Variants in SORCS2 observed in about 807,000 individuals in gnomAD.
The protein encoded by SORCS2 is sortilin related VPS10 domain containing receptor 2, also known as VPS10 domain-containing receptor SorCS2.
SORCS2 carries 100 observed loss-of-function variants against 141.6 expected under a neutral mutation model. The ratio of observed to expected loss-of-function variants is 0.71; its 90% confidence interval spans 0.60 to 0.83. SORCS2 has a LOEUF of 0.83. Ranked by LOEUF, SORCS2 falls within the 40% of genes least tolerant of loss-of-function variation. The pLI is 0.00. For missense variants in SORCS2, 1,646 were observed against 1,560.2 expected (o/e 1.05, Z -0.93); for synonymous variants, 789 against 676.9 (o/e 1.17, Z -2.57).
In SORCS2 at chr4:7,486,966, G is replaced by T. The variant is rs373615792; in HGVS notation, c.549-44564G>T. ...TGATTGGGATGTGGACAGGTCTTTT[G>T]GGTGGGTCACTATTCAACCCTCTAC... On this transcript the variant is annotated intron_variant, in intron 2 of 26. Coordinates refer to ENST00000507866, the MANE Select transcript of SORCS2 (RefSeq NM_020777.3). Among the ~76,000 whole-genome samples the T allele has an allele frequency of 3.9e-5, 6 of 152,362 alleles. 1 individual carries two copies. The highest frequency in any genetic ancestry group is 1.4e-4 in the African/African-American group (6 of 41,588).
At chr4:7,671,941 CTTTT>C (rs34912914) in intron 8 of SORCS2, among the ~76,000 whole-genome samples, 7 of 128,584 alleles carry the variant, frequency 5.4e-5, no homozygotes, top group African/African-American at 1.2e-4. Flanking sequence ...AAGACAGAAA[CTTTT>C]TTTTTTTTTT....
intron 1 of SORCS2, among the ~76,000 whole-genome samples, chr4:7,272,209 A>C (rs1715192236): frequency 6.6e-6 from 1 of 152,232 alleles, no homozygotes; most frequent in African/African-American, 2.4e-5. Context: ...GGCTGCGGCA[A>C]GTTTCTCCAG....
intron 2 of SORCS2, among the ~76,000 whole-genome samples, chr4:7,451,870 TG>T (rs1341987637): frequency 1.3e-5 from 2 of 152,326 alleles, no homozygotes; most frequent in East Asian, 1.9e-4. Flanking sequence ...AGGCTGGGTC[TG>T]AACATTCCCT....
intron 1 of SORCS2, among the ~76,000 whole-genome samples, chr4:7,300,511 C>A (rs185441605): frequency 6.6e-6 from 1 of 152,194 alleles, no homozygotes; most frequent in Non-Finnish European, 1.5e-5. Context: ...AGTGATGAAG[C>A]GGTGGCATGA....
chr4:7,647,002 G>A (rs781001311), intron 4 of SORCS2, among the ~76,000 whole-genome samples: 6 of 152,148 alleles, frequency 3.9e-5, no homozygotes, highest in Non-Finnish European at 5.9e-5. Flanking sequence ...TCAGGGCCTC[G>A]TCTGTCAGGC....
intron 1 of SORCS2, among the ~76,000 whole-genome samples, chr4:7,346,953 G>T (rs1488910705): frequency 6.6e-6 from 1 of 152,158 alleles, no homozygotes; most frequent in Non-Finnish European, 1.5e-5. Flanking sequence ...TTTATGGTCA[G>T]CACTTAACAC....
chr4:7,706,114 G>A (rs1283531893), intron 14 of SORCS2, among the ~76,000 whole-genome samples: 1 of 131,222 alleles, frequency 7.6e-6, no homozygotes. Context: ...CTCTGTCTGG[G>A]CAGGGATGAG....
At chr4:7,600,652 TATATACACACACACACAC>T (rs1294429868) in intron 3 of SORCS2, among the ~76,000 whole-genome samples, 2 of 96,232 alleles carry the variant, frequency 2.1e-5, no homozygotes, top group African/African-American at 3.8e-5. Context: ...TATACATATA[TATATACACACACACACAC>T]ACACACACAC....
At chr4:7,544,575 C>T (rs995805773) in intron 3 of SORCS2, among the ~76,000 whole-genome samples, 18 of 152,236 alleles carry the variant, frequency 1.2e-4, no homozygotes, top group Admixed American at 9.8e-4. Context: ...GGTGAGCTCT[C>T]AGGGGATGCT....
chr4:7,532,282 G>C (rs1711726237), intron 3 of SORCS2, among the ~76,000 whole-genome samples: 1 of 152,200 alleles, frequency 6.6e-6, no homozygotes, highest in South Asian at 2.1e-4. Context: ...ATTCAGCAAA[G>C]CAGTTCACGG....
intron 1 of SORCS2, among the ~76,000 whole-genome samples, chr4:7,378,521 C>G (rs1722794236): frequency 6.6e-6 from 1 of 152,188 alleles, no homozygotes; most frequent in African/African-American, 2.4e-5. Flanking sequence ...ATAAAACCCT[C>G]AGATCTCATG....
chr4:7,285,252 C>T (rs542526222), intron 1 of SORCS2, among the ~76,000 whole-genome samples: 8 of 152,196 alleles, frequency 5.3e-5, no homozygotes, highest in African/African-American at 1.4e-4. Flanking sequence ...AGGCTGGTCT[C>T]GAACTCCTGA....
chr4:7,578,074 A>C (rs753022915), intron 3 of SORCS2, among the ~76,000 whole-genome samples: 1 of 152,212 alleles, frequency 6.6e-6, no homozygotes, highest in Non-Finnish European at 1.5e-5. Context: ...TGTTAGGCTC[A>C]TGAGGATGGA....
chr4:7,539,104 C>T (rs73214633), intron 3 of SORCS2, among the ~76,000 whole-genome samples: 3,249 of 152,192 alleles, frequency 0.021, 62 homozygotes, highest in African/African-American at 0.045. Context: ...TGAACCAGGA[C>T]GCGCCCCAGG....
At chr4:7,369,195 C>T in intron 1 of SORCS2, among the ~76,000 whole-genome samples, 1 of 152,096 alleles carries the variant, frequency 6.6e-6, no homozygotes, top group East Asian at 1.9e-4. Context: ...CCTGTAATCC[C>T]AGCTAGTCGG....
intron 3 of SORCS2, among the ~76,000 whole-genome samples, chr4:7,614,882 A>G (rs1222613575): frequency 2.0e-5 from 3 of 150,436 alleles, no homozygotes; most frequent in African/African-American, 7.3e-5. Context: ...TCATCCACCC[A>G]TCTGCCATCC....
intron 3 of SORCS2, among the ~76,000 whole-genome samples, chr4:7,621,529 ATG>A (rs1205971891): frequency 2.1e-5 from 3 of 144,172 alleles, no homozygotes; most frequent in African/African-American, 5.1e-5. Flanking sequence ...GTGTGTGTCT[ATG>A]TGTGAGTATG....
chr4:7,638,119 CTGGCCGGGCTG>C (rs2108862793), intron 3 of SORCS2, among the ~76,000 whole-genome samples, 198 bp from the exon 4 acceptor site: 1 of 152,354 alleles, frequency 6.6e-6, no homozygotes, highest in Admixed American at 6.5e-5. Context: ...TTAGGCTGAG[CTGGCCGGGCTG>C]GGGGCGGGCC....
At chr4:7,730,876 GTTA>G (rs1411345327) in intron 23 of SORCS2, among the ~76,000 whole-genome samples, 10 of 152,224 alleles carry the variant, frequency 6.6e-5, no homozygotes, top group African/African-American at 1.9e-4. Context: ...AAGAGTAAAT[GTTA>G]TTATCAGTTT....
Sources: allele counts gnomAD v4.1 joint callset (sites outside exome capture counted in the v4.1 genomes callset), GRCh38; gene constraint gnomAD v4.1.1; transcripts MANE v1.5; gene names NCBI Gene and HGNC (gene_info 2026-07-23, HGNC 2026-07-21).